Variants in ACTR3 observed in about 807,000 individuals in gnomAD.
The protein encoded by ACTR3 is actin related protein 3, also known as actin-related protein 3.
ACTR3 carries 12 observed loss-of-function variants against 56.8 expected under a neutral mutation model. The observed-to-expected ratio is 0.21, with a 90% CI of 0.14 to 0.34. ACTR3 has a LOEUF of 0.34. Ranked by LOEUF, ACTR3 falls within the 10% of genes least tolerant of loss-of-function variation. The pLI is 1.00. For missense variants in ACTR3, 282 were observed against 512.5 expected, an observed-to-expected ratio of 0.55 and a Z score of 4.34; for synonymous variants, 162 against 167.4, an observed-to-expected ratio of 0.97 and a Z score of 0.25.
At chr2:113,948,569 AT>A (rs767975383) in intron 8 of ACTR3, among the ~76,000 whole-genome samples, 6 of 152,166 alleles carry the variant, frequency 3.9e-5, no homozygotes, top group Non-Finnish European at 8.8e-5. Flanking sequence ...TTGTTACATT[AT>A]AATTTCAAGT....
At chr2:113,917,617 T>C (rs1679431274) in intron 3 of ACTR3, among the ~76,000 whole-genome samples, 1 of 152,218 alleles carries the variant, frequency 6.6e-6, no homozygotes, top group Non-Finnish European at 1.5e-5. Flanking sequence ...TTCTGACCTT[T>C]ATCATCTTAT....
rs370748295 is a variant in ACTR3 at position 113,961,475 on chromosome 2, A to G, written c.*4020A>G. 1 of 152,058 alleles carries G rather than the reference A, an allele frequency of 6.6e-6. No homozygotes were observed. Among genetic ancestry groups the G allele is most frequent in the South Asian group, 2.1e-4 (1 of 4,834 alleles). The allele number at this position is 152,058 out of a possible 1,614,324, so 9.4% of individuals were successfully genotyped here. A position where few individuals can be genotyped will look rare whatever the true frequency, so the allele number is the denominator to read the frequency against. On this transcript the variant is annotated 3_prime_UTR_variant, in exon 12 of 12. Transcript: ENST00000263238. Reference sequence around the variant, plus strand: ...AGTATACGATATTCTATTTTGATTTAGCAATTACTTGTTTTCTAGTGTTCT... The same window carrying G: ...AGTATACGATATTCTATTTTGATTTGGCAATTACTTGTTTTCTAGTGTTCT...
chr2:113,934,232 G>GTTTTTTTTT (rs5833524), intron 5 of ACTR3, 47 bp from the exon 6 acceptor site: 119 of 954,924 alleles, frequency 1.2e-4, no homozygotes, highest in East Asian at 2.9e-4. Flanking sequence ...TTGTTTTTTT[G>GTTTTTTTTT]TTTTTTTTTT....
chr2:113,897,225 A>G (rs2104580091), intron 1 of ACTR3, among the ~76,000 whole-genome samples: 1 of 152,284 alleles, frequency 6.6e-6, no homozygotes, highest in East Asian at 1.9e-4. Flanking sequence ...ATTGTTTTAA[A>G]TTTAGTTCTT....
intron 1 of ACTR3, among the ~76,000 whole-genome samples, chr2:113,910,092 C>G (rs1301262044): frequency 6.6e-6 from 1 of 152,128 alleles, no homozygotes; most frequent in Non-Finnish European, 1.5e-5. Flanking sequence ...TAGGTAACTT[C>G]AAGATGGGGC....
intron 8 of ACTR3, among the ~76,000 whole-genome samples, chr2:113,944,656 C>T (rs13396507): frequency 5.5e-4 from 82 of 148,778 alleles, no homozygotes; most frequent in African/African-American, 1.8e-3. Flanking sequence ...CAGCTACTCG[C>T]GAGGCTGAGG....
chr2:113,940,123 G>A (rs763032825), intron 7 of ACTR3, 21 bp downstream of exon 7: 22 of 1,589,966 alleles, frequency 1.4e-5, no homozygotes, highest in Non-Finnish European at 1.7e-5. Flanking sequence ...TGATAGGAGT[G>A]TAATTTAGTT....
chr2:113,917,995 G>A (rs72835472), intron 3 of ACTR3, among the ~76,000 whole-genome samples: 10 of 152,310 alleles, frequency 6.6e-5, no homozygotes, highest in Admixed American at 1.3e-4. Context: ...GGCAGGCTGA[G>A]TTGTTTTAGG....
chr2:113,934,567 C>A, intron 6 of ACTR3, 181 bp downstream of exon 6: 1 of 404,866 alleles, frequency 2.5e-6, no homozygotes, highest in Middle Eastern at 6.3e-4. Flanking sequence ...CAAAATGTTT[C>A]TTTTACTGTA....
chr2:113,912,429 CTTAT>C (rs2104592635), intron 1 of ACTR3, among the ~76,000 whole-genome samples: 1 of 152,176 alleles, frequency 6.6e-6, no homozygotes, highest in Non-Finnish European at 1.5e-5. Flanking sequence ...ATTTCTAATC[CTTAT>C]TTATGTTGTT....
chr2:113,890,858 G>A, intron 1 of ACTR3: 1 of 911,684 alleles, frequency 1.1e-6, no homozygotes, highest in Non-Finnish European at 1.3e-6. Context: ...TCTGAAAATG[G>A]GAACCTACAG....
chr2:113,951,262 T>C (rs1486498904), intron 8 of ACTR3: 2 of 422,914 alleles, frequency 4.7e-6, no homozygotes, highest in African/African-American at 2.0e-5. Context: ...TGTATGACTT[T>C]ACATGTTTGC....
chr2:113,957,166 T>G (rs1241461600), intron 11 of ACTR3, among the ~76,000 whole-genome samples, 194 bp from the exon 12 acceptor site: 3 of 152,074 alleles, frequency 2.0e-5, no homozygotes, highest in Admixed American at 1.3e-4. Flanking sequence ...TCTTTTGGAG[T>G]TCCGATAAAG....
chr2:113,931,445 T>G (rs1679721901), intron 5 of ACTR3, 49 bp downstream of exon 5: 1 of 1,297,080 alleles, frequency 7.7e-7, no homozygotes, highest in Non-Finnish European at 1.1e-6. Context: ...TTTAACCTAG[T>G]TTAATTTGCT....
At chr2:113,951,198 A>C in intron 8 of ACTR3, 1 of 259,426 alleles carries the variant, frequency 3.9e-6, no homozygotes, top group Admixed American at 4.7e-5. Context: ...GTATACTCTC[A>C]CAGCGTTATA....
intron 3 of ACTR3, among the ~76,000 whole-genome samples, chr2:113,918,165 T>C (rs1054742659): frequency 1.3e-5 from 2 of 152,138 alleles, no homozygotes; most frequent in African/African-American, 4.8e-5. Context: ...TGTTAAAGAA[T>C]TTGAACCCTA....
At position 113,958,729 on chromosome 2, in the gene ACTR3, T is replaced by C. The variant is rs1680268704; in HGVS notation, c.*1274T>C. 2 of 151,992 alleles carry C rather than the reference T, an allele frequency of 1.3e-5. No individual in the cohort carries two copies. The highest frequency in any genetic ancestry group is 4.1e-4 in the South Asian group (2 of 4,834). 9.4% of individuals were successfully genotyped at this position (151,992 alleles called of 1,614,324 possible). A position where few individuals can be genotyped will look rare whatever the true frequency, so the allele number is the denominator to read the frequency against. ...AGAAAATTTCTTGTGACCTTAAAAT[T>C]TTACCAGTTATTTATAGAAAGAGAA... On this transcript the variant is annotated 3_prime_UTR_variant, in exon 12 of 12. Coordinates refer to ENST00000263238, the MANE Select transcript of ACTR3 (RefSeq NM_005721.5).
intron 1 of ACTR3, among the ~76,000 whole-genome samples, chr2:113,911,722 C>G (rs775590547): frequency 6.6e-6 from 1 of 151,686 alleles, no homozygotes; most frequent in Non-Finnish European, 1.5e-5. Context: ...AAACATTCCC[C>G]AAAGATATTG....
chr2:113,928,446 A>G (rs868433694), intron 4 of ACTR3, among the ~76,000 whole-genome samples: 1 of 152,166 alleles, frequency 6.6e-6, no homozygotes, highest in African/African-American at 2.4e-5. Context: ...GTGTATGGTT[A>G]TTCTTTTCAT....
Sources: allele counts gnomAD v4.1 joint callset (sites outside exome capture counted in the v4.1 genomes callset), GRCh38; gene constraint gnomAD v4.1.1; transcripts MANE v1.5; gene names NCBI Gene and HGNC (gene_info 2026-07-23, HGNC 2026-07-21).